Variants in ATRX observed in about 807,000 individuals in gnomAD.
ATRX encodes chromatin remodeler ATRX.
Under a neutral mutation model 172.6 loss-of-function variants are expected in ATRX, and 12 were observed. The observed-to-expected ratio is 0.07, with a 90% CI of 0.04 to 0.11. ATRX has a LOEUF of 0.11. Ranked by LOEUF, ATRX falls within the 10% of genes least tolerant of loss-of-function variation. The pLI is 1.00. For synonymous variants in ATRX, 674 were observed against 594.7 expected (o/e 1.13, Z -1.94); for missense variants, 1,368 against 1,767.4 (o/e 0.77, Z 4.05).
intron 12 of ATRX, among the ~76,000 whole-genome samples, chrX:77,661,755 A>C (rs1024080396): frequency 1.8e-5 from 2 of 110,666 alleles, no homozygotes; most frequent in African/African-American, 6.6e-5. Flanking sequence ...CCTTCCCCAA[A>C]CCTCAAATTA....
At chrX:77,742,577 T>C (rs1336919314) in intron 1 of ATRX, among the ~76,000 whole-genome samples, 1 of 112,008 alleles carries the variant, frequency 8.9e-6, no homozygotes, top group Non-Finnish European at 1.9e-5. Flanking sequence ...GCTAAAATTG[T>C]GTAGACAATG....
intron 22 of ATRX, among the ~76,000 whole-genome samples, chrX:77,615,001 T>G (rs1480691863): frequency 3.6e-4 from 6 of 16,492 alleles, no homozygotes; most frequent in South Asian, 1.4e-3. Flanking sequence ...TGGTGGTGGT[T>G]GTTGTTGTTG....
chrX:77,515,854 A>G (rs1483250357), intron 34 of ATRX, among the ~76,000 whole-genome samples: 2 of 112,208 alleles, frequency 1.8e-5, no homozygotes, highest in Non-Finnish European at 3.8e-5. Context: ...GACTGTTGTC[A>G]ATCTATTTAT....
At chrX:77,716,323 A>ATATATATATATAT (rs782067024) in intron 2 of ATRX, among the ~76,000 whole-genome samples, 1 of 21,039 alleles carries the variant, frequency 4.8e-5, no homozygotes, top group African/African-American at 1.7e-4. Flanking sequence ...AAAAAAAAAA[A>ATATATATATATAT]ATATATATAT....
rs186837175 is a variant in ATRX, at chrX:77,551,179, C to G, written c.6699+6272G>C. On this transcript the variant is annotated intron_variant, in intron 30 of 34. Coordinates refer to ENST00000373344, the MANE Select transcript of ATRX (RefSeq NM_000489.6). ...CCAAGTCAATCCTAAGCCAAAAGAA[C>G]AAAGCGGGAGGCATCACGCTACCTG... is the stretch of plus-strand genomic sequence containing the variant. Among the ~76,000 whole-genome samples the G allele has an allele frequency of 3.9e-4, 44 of 111,886 alleles. 1 individual carries two copies. The highest frequency in any genetic ancestry group is 1.4e-3 in the African/African-American group (42 of 30,836).
intron 15 of ATRX, among the ~76,000 whole-genome samples, chrX:77,651,731 T>C (rs1434952152): frequency 1.8e-5 from 2 of 110,669 alleles, no homozygotes; most frequent in African/African-American, 6.6e-5. Flanking sequence ...TGGTAGTGCA[T>C]GCCTGTAGTC....
chrX:77,758,688 G>A lies in ATRX; in HGVS notation c.20+27294C>T, dbSNP rs1159117771. On this transcript the variant is annotated intron_variant, in intron 1 of 34. Coordinates refer to ENST00000373344, the MANE Select transcript of ATRX (RefSeq NM_000489.6). ...CAGGAGCATCACTTGAACCCAGGAG[G>A]CGGAGGTTGCAGTGAGCCGAGATCA... Among the ~76,000 whole-genome samples the A allele has an allele frequency of 2.7e-5, 3 of 110,203 alleles. 1 individual carries two copies. The highest frequency in any genetic ancestry group is 9.7e-5 in the Admixed American group (1 of 10,282).
chrX:77,548,443 C>T (rs782111851), intron 30 of ATRX, among the ~76,000 whole-genome samples: 1 of 111,504 alleles, frequency 9.0e-6, no homozygotes, highest in Non-Finnish European at 1.9e-5. Flanking sequence ...GAGACAATGA[C>T]ATCAAACCTT....
intron 27 of ATRX, among the ~76,000 whole-genome samples, chrX:77,578,414 T>C (rs2065705264): frequency 8.9e-6 from 1 of 111,764 alleles, no homozygotes; most frequent in South Asian, 3.7e-4. Flanking sequence ...GCTTTCTACT[T>C]GAGGAGAGAA....
chrX:77,590,360 C>T (rs782542940), intron 26 of ATRX, among the ~76,000 whole-genome samples: 2 of 110,816 alleles, frequency 1.8e-5, no homozygotes, highest in Admixed American at 1.9e-4. Context: ...CCTGTAATCC[C>T]AGCATTTTGG....
chrX:77,603,423 T>C (rs1447458019), intron 22 of ATRX, among the ~76,000 whole-genome samples: 3 of 109,727 alleles, frequency 2.7e-5, no homozygotes, highest in Non-Finnish European at 5.7e-5. Context: ...TGGAGTACAG[T>C]GGCGCAATCT....
At position 77,684,189 on chromosome X, in the gene ATRX, G is replaced by A; in HGVS notation, c.1067C>T (p.Ala356Val). Residue 356 changes from alanine to valine, a missense_variant, in exon 9 of 35, where the codon GCA (alanine) becomes GTA (valine). Ala to Val is a moderately conservative substitution (Grantham distance 64). Around this residue, in one of 17 missense-constraint regions of ATRX, gnomAD observed 843 missense variants for 643.1 expected, o/e 1.31. Transcript: ENST00000373344. ...GGCTGTGGTCTCAATCAGTTTTTTT[G>A]CCTTCTTAATCATCTCTTTGGGCAC... ...LIVPKEMIKK[A>V]KKLIETTANM... is the part of the protein sequence containing the mutation. The A allele has an allele frequency of 8.3e-7, 1 of 1,208,558 alleles. No individual in the cohort carries two copies.
intron 3 of ATRX, 127 bp from the exon 4 acceptor site, chrX:77,697,762 T>G (rs2072266238): frequency 9.6e-6 from 5 of 523,294 alleles, no homozygotes; most frequent in Non-Finnish European, 1.2e-5. Flanking sequence ...CCTAGAATAT[T>G]TTTCTAAAAG....
chrX:77,647,950 T>TAAGATGTTGGAAAAGA (rs1285276204), intron 15 of ATRX, among the ~76,000 whole-genome samples: 20 of 111,933 alleles, frequency 1.8e-4, no homozygotes, highest in Admixed American at 5.7e-4. Flanking sequence ...AAACTTTTCC[T>TAAGATGTTGGAAAAGA]AAGATGTTGG....
intron 28 of ATRX, among the ~76,000 whole-genome samples, chrX:77,565,734 C>T (rs1230375415): frequency 9.1e-6 from 1 of 110,272 alleles, no homozygotes; most frequent in Non-Finnish European, 1.9e-5. Flanking sequence ...TGCATGCCTG[C>T]AATCCCAGCT....
At chrX:77,522,056 C>T (rs782073154) in intron 32 of ATRX, 9 of 426,805 alleles carry the variant, frequency 2.1e-5, no homozygotes, top group East Asian at 8.4e-5. Flanking sequence ...ATTAATTCAC[C>T]GACTGATTCC....
intron 1 of ATRX, 192 bp downstream of exon 1, chrX:77,785,790 T>TCCCCAC (rs1373351724): frequency 4.9e-5 from 1 of 20,401 alleles, no homozygotes; most frequent in East Asian, 2.6e-3. Context: ...CCCCACCCCA[T>TCCCCAC]CCCCACCCCC....
At chrX:77,772,327 T>C (rs1215466579) in intron 1 of ATRX, among the ~76,000 whole-genome samples, 1 of 99,733 alleles carries the variant, frequency 1.0e-5, no homozygotes, top group African/African-American at 3.7e-5. Context: ...AAAAAAAAAG[T>C]GTTTATCAAA....
chrX:77,673,602 TTATAC>T (rs1398324091), intron 10 of ATRX, among the ~76,000 whole-genome samples: 1 of 111,149 alleles, frequency 9.0e-6, no homozygotes, highest in African/African-American at 3.3e-5. Context: ...TCTCATAATA[TTATAC>T]ATTTACTTTC....
Sources: gnomAD v4.1 joint callset for allele counts (sites outside exome capture counted in the v4.1 genomes callset) on GRCh38, gnomAD v4.1.1 for gene constraint, gnomAD v4.1.1 regional missense constraint, MANE v1.5 for transcripts, NCBI Gene and HGNC (gene_info 2026-07-23, HGNC 2026-07-21) for gene names.